The following MYO16 variants were observed in gnomAD, a reference collection of about 807,000 sequenced individuals.
MYO16 encodes the protein myosin XVI.
Under a neutral mutation model 205.3 loss-of-function variants are expected in MYO16, and 94 were observed. The observed-to-expected ratio is 0.46, with a 90% CI of 0.39 to 0.54. The LOEUF (loss-of-function observed/expected upper bound fraction) is 0.54. Among genes scored for constraint, MYO16 ranks in the 20% least tolerant of loss-of-function variants. MYO16 has a pLI of 0.00. For missense variants in MYO16, 2,315 were observed against 2,387.5 expected, an observed-to-expected ratio of 0.97 and a Z score of 0.63; for synonymous variants, 988 against 954.0, an observed-to-expected ratio of 1.04 and a Z score of -0.66.
At position 109,036,103 on chromosome 13, in the gene MYO16, C is replaced by A. The variant is rs9559466; in HGVS notation, c.2797-10813C>A. Among the ~76,000 whole-genome samples, 4 of 152,132 alleles carry A rather than the reference C, an allele frequency of 2.6e-5. No individual in the cohort carries two copies. The South Asian group carries it at 8.3e-4, about 32-fold the overall frequency. The stretch of plus-strand genomic sequence containing the variant: ...CAAGGCACAGCGAGAAAGGAGGCTG[C>A]AGACATAAAGAACTCACTATTCCCC... On this transcript the variant is annotated intron_variant, in intron 23 of 34. Transcript: ENST00000457511.
chr13:108,785,072 G>A (rs1326614687), intron 4 of MYO16, among the ~76,000 whole-genome samples: 2 of 152,190 alleles, frequency 1.3e-5, no homozygotes, highest in African/African-American at 2.4e-5. Flanking sequence ...TACAGATCAT[G>A]CCTTTTGTTA....
chr13:108,957,790 C>A lies in MYO16; in HGVS notation c.2028C>A (p.Phe676Leu). ...AACGAGCCCTGAATGTAGTTGGCTT[C>A]AGCAGCTTGGTGAGTCATGTCATAA... ...VLKRALNVVG[F>L]SSLEVENLFV... The change falls in exon 17 of 35, where the codon TTC becomes TTA. Residue 676 changes from phenylalanine to leucine, a missense_variant. Physicochemically the swap from Phe to Leu is conservative, Grantham distance 22. Around this residue, in one of 3 missense-constraint regions of MYO16, gnomAD observed 1,213 missense variants for 1,274.4 expected, o/e 0.95. Coordinates refer to ENST00000457511, the MANE Select transcript of MYO16 (RefSeq NM_001198950.3). The A allele has an allele frequency of 6.2e-7, 1 of 1,612,650 alleles. No individual in the cohort carries two copies. The highest frequency in any genetic ancestry group is 8.5e-7 in the Non-Finnish European group (1 of 1,178,736).
chr13:109,045,573 A>G (rs1344490556), intron 23 of MYO16, among the ~76,000 whole-genome samples: 1 of 152,166 alleles, frequency 6.6e-6, no homozygotes, highest in Non-Finnish European at 1.5e-5. Flanking sequence ...TTCTGACCCA[A>G]ATTTATTGGA....
At chr13:108,560,187 G>T in the MYO16 span, among the ~76,000 whole-genome samples, 1 of 152,186 alleles carries the variant, frequency 6.6e-6, no homozygotes, top group Non-Finnish European at 1.5e-5. Context: ...TAAGATGAAA[G>T]AACTCCTATC....
At chr13:108,776,999 G>A (rs1886144793) in intron 4 of MYO16, among the ~76,000 whole-genome samples, 1 of 152,134 alleles carries the variant, frequency 6.6e-6, no homozygotes, top group Non-Finnish European at 1.5e-5. Context: ...TTTGTTAAAT[G>A]CAATAGCTAA....
In MYO16 at chr13:108,998,673, T is replaced by A. The variant is rs9587737; in HGVS notation, c.2442+6225T>A. Among the ~76,000 whole-genome samples the A allele has an allele frequency of 2.1e-3, 313 of 152,318 alleles. 3 individuals are homozygous for A. Among genetic ancestry groups the A allele is most frequent in the African/African-American group, 7.3e-3 (305 of 41,586 alleles). ...GACAGATTGTCTCTGGTCCATCATA[T>A]CTGGGGCCTTAGCTAGATAACTGGA... On this transcript the variant is annotated intron_variant, in intron 21 of 34. Coordinates refer to ENST00000457511, the MANE Select transcript of MYO16 (RefSeq NM_001198950.3).
At chr13:108,963,010 T>C (rs778143155) in intron 19 of MYO16, among the ~76,000 whole-genome samples, 1 of 152,256 alleles carries the variant, frequency 6.6e-6, no homozygotes, top group Non-Finnish European at 1.5e-5. Flanking sequence ...TAAATAACTT[T>C]GAACCTCAAA....
At chr13:109,138,979 C>A (rs113728935) in intron 31 of MYO16, among the ~76,000 whole-genome samples, 63 of 152,154 alleles carry the variant, frequency 4.1e-4, no homozygotes, top group African/African-American at 1.5e-3. Flanking sequence ...CCACCTCGCC[C>A]AGCTAATTTT....
intron 16 of MYO16, among the ~76,000 whole-genome samples, chr13:108,913,676 C>T (rs915108210): frequency 6.6e-6 from 1 of 152,162 alleles, no homozygotes; most frequent in African/African-American, 2.4e-5. Flanking sequence ...ATGCTCAATA[C>T]CATATGTTAA....
chr13:108,873,236 C>A (rs1440068917), intron 12 of MYO16, among the ~76,000 whole-genome samples: 3 of 152,140 alleles, frequency 2.0e-5, no homozygotes, highest in African/African-American at 7.2e-5. Context: ...AAAAATAAAA[C>A]ATTAAATATG....
chr13:108,832,743 T>G (rs949958056), intron 9 of MYO16, among the ~76,000 whole-genome samples: 1 of 152,190 alleles, frequency 6.6e-6, no homozygotes, highest in African/African-American at 2.4e-5. Context: ...ATATAGTCTT[T>G]TAGATTACAA....
At chr13:109,065,772 C>T (rs1253928006) in intron 27 of MYO16, among the ~76,000 whole-genome samples, 9 of 152,150 alleles carry the variant, frequency 5.9e-5, no homozygotes, top group Non-Finnish European at 1.2e-4. Flanking sequence ...GAACAAACAT[C>T]GGAGTCTTAA....
Position 108,649,504 on chromosome 13 carries a change from G to A in MYO16, c.29-16382G>A, listed in dbSNP as rs540118784. Among the ~76,000 whole-genome samples the A allele has an allele frequency of 8.5e-5, 13 of 152,294 alleles. No individual in the cohort carries two copies. The South Asian group carries it at 2.7e-3, about 32-fold the overall frequency. The stretch of plus-strand genomic sequence containing the variant: ...ACACTCTAGATGGTTAATGAAAATG[G>A]CAGAATCTGTATAATGGAGTAGCAG... On this transcript the variant is annotated intron_variant, in intron 1 of 34. Transcript: ENST00000457511.
chr13:108,764,812 C>T (rs1482281506), intron 4 of MYO16, among the ~76,000 whole-genome samples: 1 of 152,122 alleles, frequency 6.6e-6, no homozygotes, highest in Non-Finnish European at 1.5e-5. Context: ...AAGCTGGCTC[C>T]CCAGAAAATC....
chr13:108,716,236 C>G (rs1883940090), intron 3 of MYO16, among the ~76,000 whole-genome samples: 1 of 152,094 alleles, frequency 6.6e-6, no homozygotes, highest in African/African-American at 2.4e-5. Context: ...ACCTAGGTAA[C>G]AGTATACAGA....
chr13:108,625,218 G>A (rs1879688496), upstream of MYO16, among the ~76,000 whole-genome samples: 1 of 152,162 alleles, frequency 6.6e-6, no homozygotes, highest in South Asian at 2.1e-4. Flanking sequence ...TGAAGCTGAA[G>A]TGAACACACA....
intron 11 of MYO16, among the ~76,000 whole-genome samples, chr13:108,858,229 G>A (rs1457634875): frequency 6.6e-6 from 1 of 152,164 alleles, no homozygotes; most frequent in Non-Finnish European, 1.5e-5. Flanking sequence ...ATAAGAATCA[G>A]AGTTTGAACT....
chr13:109,043,366 T>C (rs1886940104), intron 23 of MYO16, among the ~76,000 whole-genome samples: 1 of 152,138 alleles, frequency 6.6e-6, no homozygotes, highest in African/African-American at 2.4e-5. Flanking sequence ...AGAAATGTAT[T>C]TAATGAAACT....
intron 32 of MYO16, among the ~76,000 whole-genome samples, chr13:109,156,094 G>C (rs1355183243): frequency 6.6e-6 from 1 of 152,114 alleles, no homozygotes; most frequent in Non-Finnish European, 1.5e-5. Flanking sequence ...AGTAATACAG[G>C]GTTTCAGAGA....
Sources: allele counts gnomAD v4.1 joint callset (sites outside exome capture counted in the v4.1 genomes callset), GRCh38; gene constraint gnomAD v4.1.1; regional missense constraint gnomAD v4.1.1; transcripts MANE v1.5; gene names NCBI Gene and HGNC (gene_info 2026-07-23, HGNC 2026-07-21).